FHOD3: variants seen among roughly 807,000 people sequenced by gnomAD.
The protein encoded by FHOD3 is FH1/FH2 domain-containing protein 3.
A neutral mutation model predicts 173.0 loss-of-function variants in FHOD3; 90 were observed. The ratio of observed to expected loss-of-function variants is 0.52; its 90% CI spans 0.44 to 0.62. FHOD3 has a LOEUF of 0.62. FHOD3 is among the 20% of genes least tolerant of loss of function. FHOD3 has a pLI of 0.00. For synonymous variants in FHOD3, 828 were observed against 823.0 expected, an observed-to-expected ratio of 1.01 and a Z score of -0.10; for missense variants, 1,945 against 2,034.7, an observed-to-expected ratio of 0.96 and a Z score of 0.85.
intron 3 of FHOD3, among the ~76,000 whole-genome samples, chr18:36,436,062 T>C (rs1235114955): frequency 6.6e-6 from 1 of 152,170 alleles, no homozygotes; most frequent in Non-Finnish European, 1.5e-5. Context: ...TTAGTGCTGA[T>C]ATAAGAATTG....
In FHOD3 at chr18:36,649,176, G is replaced by GT. The variant is rs35449535; in HGVS notation, c.1197-139dup. 28,542 of 591,974 alleles carry GT rather than the reference G, an allele frequency of 0.048. 985 individuals are homozygous for GT. Among genetic ancestry groups the GT allele is most frequent in the East Asian group, 0.17 (5,565 of 32,850 alleles). The allele number at this position is 591,974 out of a possible 1,614,324, so 36.7% of individuals were successfully genotyped here. On this transcript the variant is annotated intron_variant, in intron 10 of 28. Coordinates refer to ENST00000590592, the MANE Select transcript of FHOD3 (RefSeq NM_001281740.3). Reference sequence around the variant, plus strand: ...GCTTTTCTTCATTTCAGCCAGCTGGGTGGTTTTTTTTTTTTAATTATTATT... The same window carrying GT: ...GCTTTTCTTCATTTCAGCCAGCTGGGTTGGTTTTTTTTTTTTAATTATTATT...
intron 6 of FHOD3, among the ~76,000 whole-genome samples, chr18:36,582,972 G>T (rs1329930268): frequency 2.0e-5 from 3 of 152,204 alleles, no homozygotes; most frequent in African/African-American, 7.2e-5. Context: ...TTGTGGGCCA[G>T]AGTTCCAGCC....
rs147900003 is a variant in FHOD3 at position 36,654,538 on chromosome 18, G to A, written c.1721+1122G>A. Among the ~76,000 whole-genome samples, 19 of 152,238 alleles carry A rather than the reference G, an allele frequency of 1.2e-4. No individual in the cohort carries two copies. In the East Asian group the frequency reaches 2.5e-3, roughly 20 times the overall value. On this transcript the variant is annotated intron_variant, in intron 13 of 28. Coordinates refer to ENST00000590592, the MANE Select transcript of FHOD3 (RefSeq NM_001281740.3). ...CACCTATGTATACCTACTTGGCAAAGCCAGTCCTTAGTCAAATGAGACTTA... is the reference window on the plus strand; with the variant it reads ...CACCTATGTATACCTACTTGGCAAAACCAGTCCTTAGTCAAATGAGACTTA...
At chr18:36,636,762 G>A (rs1018141260) in intron 10 of FHOD3, among the ~76,000 whole-genome samples, 8 of 151,888 alleles carry the variant, frequency 5.3e-5, no homozygotes, top group African/African-American at 1.9e-4. Flanking sequence ...GGGCCTGTGG[G>A]GTGCAGGTAT....
At chr18:36,492,369 T>A (rs2054516642) in intron 3 of FHOD3, among the ~76,000 whole-genome samples, 1 of 152,126 alleles carries the variant, frequency 6.6e-6, no homozygotes, top group South Asian at 2.1e-4. Flanking sequence ...TTTGGGGACA[T>A]GTCTGTCTCC....
intron 10 of FHOD3, among the ~76,000 whole-genome samples, chr18:36,633,711 G>T (rs564804578): frequency 7.9e-5 from 12 of 152,314 alleles, no homozygotes; most frequent in Admixed American, 3.3e-4. Context: ...AATGTGTTCA[G>T]TAATGAGAAT....
intron 2 of FHOD3, among the ~76,000 whole-genome samples, chr18:36,356,012 G>A (rs975554892): frequency 9.0e-4 from 137 of 152,294 alleles, no homozygotes; most frequent in African/African-American, 3.0e-3. Flanking sequence ...TGGGAGGATC[G>A]CTTGAGTCTG....
At chr18:36,361,856 G>A (rs1251977973) in intron 2 of FHOD3, among the ~76,000 whole-genome samples, 1 of 152,036 alleles carries the variant, frequency 6.6e-6, no homozygotes, top group Non-Finnish European at 1.5e-5. Context: ...AGAACTCAGG[G>A]GTGGGCCCAG....
intron 8 of FHOD3, 98 bp downstream of exon 8, chr18:36,602,866 G>A (rs918245312): frequency 8.1e-5 from 75 of 921,656 alleles, no homozygotes; most frequent in Non-Finnish European, 1.8e-5. Flanking sequence ...TTTGGAAATA[G>A]TGTCGTAGCA....
chr18:36,777,868 CA>C (rs1214556095), intron 28 of FHOD3: 1 of 152,206 alleles, frequency 6.6e-6, no homozygotes, highest in Non-Finnish European at 1.5e-5. Flanking sequence ...CTTGGAAATA[CA>C]GTAGTTGCAG....
chr18:36,707,279 G>A (rs1488194968), intron 17 of FHOD3, among the ~76,000 whole-genome samples: 1 of 152,140 alleles, frequency 6.6e-6, no homozygotes, highest in Non-Finnish European at 1.5e-5. Context: ...CTGCAGGGGG[G>A]TCTTTGCTGC....
At chr18:36,619,985 A>G (rs2033570245) in intron 9 of FHOD3, among the ~76,000 whole-genome samples, 1 of 152,178 alleles carries the variant, frequency 6.6e-6, no homozygotes, top group South Asian at 2.1e-4. Context: ...CCTGGGGGAC[A>G]TTGAGATCCC....
intron 6 of FHOD3, among the ~76,000 whole-genome samples, chr18:36,589,423 A>G (rs2059138079): frequency 6.6e-6 from 1 of 152,202 alleles, no homozygotes; most frequent in Non-Finnish European, 1.5e-5. Flanking sequence ...GTTTGTGTGA[A>G]CAGGACCCCA....
At chr18:36,700,342 G>C (rs1466827387) in intron 17 of FHOD3, among the ~76,000 whole-genome samples, 1 of 152,168 alleles carries the variant, frequency 6.6e-6, no homozygotes, top group African/African-American at 2.4e-5. Context: ...GGGCTGTTCA[G>C]ATGGAAGGTG....
chr18:36,305,982 A>G (rs560863393), intron 1 of FHOD3, among the ~76,000 whole-genome samples: 2 of 152,342 alleles, frequency 1.3e-5, no homozygotes, highest in Admixed American at 6.5e-5. Flanking sequence ...TCGTTGATAG[A>G]ATACTGTCCC....
At chr18:36,507,857 C>A (rs987519186) in intron 4 of FHOD3, among the ~76,000 whole-genome samples, 4 of 152,090 alleles carry the variant, frequency 2.6e-5, no homozygotes, top group African/African-American at 9.7e-5. Flanking sequence ...GAAGGCCATG[C>A]TCACACCACT....
chr18:36,594,748 T>C (rs1282320327), intron 6 of FHOD3, 39 bp from the exon 7 acceptor site: 2 of 1,481,650 alleles, frequency 1.3e-6, no homozygotes, highest in Non-Finnish European at 1.9e-6. Flanking sequence ...GCACAGGGCC[T>C]TGTTGGCAGT....
At position 36,575,080 on chromosome 18, in the gene FHOD3, C is replaced by T. The variant is rs182451287; in HGVS notation, c.512-1371C>T. Among the ~76,000 whole-genome samples, 62 of 151,982 alleles carry T rather than the reference C, an allele frequency of 4.1e-4. No homozygotes were observed. In the East Asian group the frequency reaches 9.7e-3, roughly 24 times the overall value. ...CCGCCTCCTGGGTTCAAGCAATTTT[C>T]CTGCCTCAGCTTCCTGAGTATCTGG... On this transcript the variant is annotated intron_variant, in intron 5 of 28. Coordinates refer to ENST00000590592, the MANE Select transcript of FHOD3 (RefSeq NM_001281740.3).
chr18:36,713,099 T>C (rs966280121), intron 18 of FHOD3, among the ~76,000 whole-genome samples: 1 of 152,226 alleles, frequency 6.6e-6, no homozygotes, highest in Non-Finnish European at 1.5e-5. Flanking sequence ...CTAACAGACC[T>C]ATCCTCAAAG....
Sources: allele counts gnomAD v4.1 joint callset (sites outside exome capture counted in the v4.1 genomes callset), GRCh38; gene constraint gnomAD v4.1.1; transcripts MANE v1.5; gene names NCBI Gene and HGNC (gene_info 2026-07-23, HGNC 2026-07-21).